Variants in PDE10A observed in about 807,000 individuals in gnomAD.
PDE10A encodes cAMP and cAMP-inhibited cGMP 3',5'-cyclic phosphodiesterase 10A.
A neutral mutation model predicts 97.7 loss-of-function variants in PDE10A; 39 were observed. The observed-to-expected ratio is 0.40, with a 90% CI of 0.31 to 0.52. The LOEUF is 0.52. PDE10A is among the 20% of genes least tolerant of loss of function. The pLI is 0.56. For synonymous variants in PDE10A, 371 were observed against 376.8 expected (o/e 0.98, Z 0.18); for missense variants, 731 against 1,047.8 (o/e 0.70, Z 4.17).
chr6:165,987,565 CTTCAT>C (rs915281848), exon 1 of PDE10A: 1 of 390,470 alleles, frequency 2.6e-6, no homozygotes, highest in Non-Finnish European at 5.1e-6. Flanking sequence ...CTGCTTTCCG[CTTCAT>C]TTCGAGTTCA....
At chr6:165,382,497 G>A (rs1464705642) in intron 17 of PDE10A, among the ~76,000 whole-genome samples, 1 of 152,074 alleles carries the variant, frequency 6.6e-6, no homozygotes, top group Non-Finnish European at 1.5e-5. Flanking sequence ...CACCGATTTT[G>A]GAGCCAAATA....
chr6:165,333,037 T>C lies in PDE10A; in HGVS notation c.3156A>G (p.Ala1052=). 1.2e-6 allele frequency: 2 copies of C among 1,602,562 alleles called. No individual in the cohort carries two copies. Among genetic ancestry groups the C allele is most frequent in the Non-Finnish European group, 8.5e-7 (1 of 1,170,164 alleles). Residue 1052 remains alanine (A), a synonymous_variant, in exon 22 of 22, where the codon GCA becomes GCG. Transcript: ENST00000539869. Reference sequence around the variant, plus strand: ...GGGTGACCAGTGCTCAATCTTCAGATGCAGCTGCCTTCTGAGCCACGGATG... The same window carrying C: ...GGGTGACCAGTGCTCAATCTTCAGACGCAGCTGCCTTCTGAGCCACGGATG... ...SSPSVAQKAA[A]SED
In PDE10A at chr6:165,543,444, T is replaced by C; in HGVS notation, c.990A>G (p.Ser330=). 1 of 1,611,658 alleles carries C rather than the reference T, an allele frequency of 6.2e-7. No homozygotes were observed. The highest frequency in any genetic ancestry group is 8.5e-7 in the Non-Finnish European group (1 of 1,179,268). The change falls in exon 2 of 22, where the codon TCA becomes TCG. Residue 330 remains serine, a synonymous_variant. Transcript: ENST00000539869. The part of the protein sequence containing the change: ...EKWLKRKNNK[S]EDESAPKEVS... ...GAGATCCACAAGAGACCTTACCTTCTGATTTGTTGTTCTTCCTCTTCAGCC... is the reference window on the plus strand; with the variant it reads ...GAGATCCACAAGAGACCTTACCTTCCGATTTGTTGTTCTTCCTCTTCAGCC...
At chr6:165,463,108 T>C (rs1042066345) in intron 3 of PDE10A, among the ~76,000 whole-genome samples, 13 of 152,274 alleles carry the variant, frequency 8.5e-5, no homozygotes, top group African/African-American at 2.2e-4. Flanking sequence ...TTAGCTTGAA[T>C]TGCACCTCTC....
intron 2 of PDE10A, among the ~76,000 whole-genome samples, chr6:165,530,440 G>A (rs116372880): frequency 0.014 from 2,162 of 151,430 alleles, 58 homozygotes; most frequent in South Asian, 0.098. Flanking sequence ...ACCAACAAGC[G>A]AAAAACAAAT....
intron 17 of PDE10A, among the ~76,000 whole-genome samples, chr6:165,382,301 ATTCTGTCCACTGCTGG>A (rs1784987497): frequency 6.6e-6 from 1 of 152,210 alleles, no homozygotes; most frequent in Non-Finnish European, 1.5e-5. Flanking sequence ...GGCTGTTAGT[ATTCTGTCCACTGCTGG>A]GGGATTAGGG....
At chr6:165,877,441 C>T (rs935007322) in intron 1 of PDE10A, among the ~76,000 whole-genome samples, 19 of 152,198 alleles carry the variant, frequency 1.2e-4, no homozygotes, top group African/African-American at 4.3e-4. Flanking sequence ...GGGAGAGTAG[C>T]CACAGGTCTA....
chr6:165,782,882 A>AT (rs1234300809), intron 1 of PDE10A, among the ~76,000 whole-genome samples: 2 of 152,126 alleles, frequency 1.3e-5, no homozygotes, highest in African/African-American at 2.4e-5. Flanking sequence ...ACCGTGTGTG[A>AT]TTTTTTAAAT....
At chr6:165,965,386 G>C (rs553830626) in intron 1 of PDE10A, among the ~76,000 whole-genome samples, 42 of 152,270 alleles carry the variant, frequency 2.8e-4, no homozygotes, top group Non-Finnish European at 5.3e-4. Flanking sequence ...TGATGAGTCT[G>C]GGGTATAAAT....
Position 165,722,883 on chromosome 6 carries a change from T to TATAC in PDE10A, c.-614-179316_-614-179315insGTAT, listed in dbSNP as rs1554311954. Among the ~76,000 whole-genome samples the TATAC allele has an allele frequency of 5.7e-3, 843 of 149,138 alleles. 7 individuals are homozygous for TATAC. Among genetic ancestry groups the TATAC allele is most frequent in the African/African-American group, 0.02 (788 of 40,198 alleles). On this transcript the variant is annotated intron_variant, in intron 1 of 19. Coordinates refer to the PDE10A transcript ENST00000366882. ...TAAAATTTGTTCATATATATATATA[T>TATAC]ACACACACACACACACACATATACA...
At chr6:165,827,953 A>C (rs530387932) in intron 1 of PDE10A, among the ~76,000 whole-genome samples, 1 of 152,120 alleles carries the variant, frequency 6.6e-6, no homozygotes, top group Non-Finnish European at 1.5e-5. Context: ...GTGGTCTCCA[A>C]TTCCATCCAG....
At chr6:165,697,104 G>T (rs564424532) in intron 1 of PDE10A, among the ~76,000 whole-genome samples, 1 of 152,104 alleles carries the variant, frequency 6.6e-6, no homozygotes, top group African/African-American at 2.4e-5. Flanking sequence ...GAGGAAAAAA[G>T]TATTCAAATA....
chr6:165,934,510 A>C (rs1783258042), intron 1 of PDE10A, among the ~76,000 whole-genome samples: 1 of 152,036 alleles, frequency 6.6e-6, no homozygotes, highest in Admixed American at 6.5e-5. Context: ...CTTTCTCTAT[A>C]ATCTTTATTT....
At chr6:165,475,343 C>T (rs1382067420) in intron 3 of PDE10A, among the ~76,000 whole-genome samples, 1 of 152,044 alleles carries the variant, frequency 6.6e-6, no homozygotes, top group African/African-American at 2.4e-5. Context: ...ACACTGGCTA[C>T]ACCAGGAAAA....
At chr6:165,733,424 C>T (rs1052639045) in intron 1 of PDE10A, among the ~76,000 whole-genome samples, 3 of 152,194 alleles carry the variant, frequency 2.0e-5, no homozygotes, top group African/African-American at 7.2e-5. Flanking sequence ...TGCTGCCACG[C>T]TTGAGCTGCC....
At chr6:165,735,264 T>C (rs1792543905) in intron 1 of PDE10A, among the ~76,000 whole-genome samples, 1 of 151,152 alleles carries the variant, frequency 6.6e-6, no homozygotes, top group Non-Finnish European at 1.5e-5. Context: ...GGAAGATAGG[T>C]AGATAGTAGG....
chr6:165,641,704 T>C (rs1393286307), intron 1 of PDE10A, among the ~76,000 whole-genome samples: 1 of 152,192 alleles, frequency 6.6e-6, no homozygotes, highest in African/African-American at 2.4e-5. Flanking sequence ...CCTCCCTCAC[T>C]GCACCCACCG....
intron 1 of PDE10A, among the ~76,000 whole-genome samples, chr6:165,697,993 C>G (rs1343257882): frequency 6.6e-6 from 1 of 152,162 alleles, no homozygotes; most frequent in Non-Finnish European, 1.5e-5. Flanking sequence ...CCTGCCAACC[C>G]CTAGAATGAG....
chr6:165,329,618 G>C lies in PDE10A; in HGVS notation c.*3407C>G, dbSNP rs1047060421. The C allele has an allele frequency of 3.9e-5, 6 of 152,004 alleles. No individual in the cohort carries two copies. Among genetic ancestry groups the C allele is most frequent in the Non-Finnish European group, 7.4e-5 (5 of 68,016 alleles). The allele number at this position is 152,004 out of a possible 1,614,324, so 9.4% of individuals were successfully genotyped here. The stretch of plus-strand genomic sequence containing the variant: ...TTATATCCTGTACAATACAGGATTT[G>C]TCTCGCATACACAAATATACCAATA... On this transcript the variant is annotated 3_prime_UTR_variant, in exon 22 of 22. Transcript: ENST00000539869.
Sources: gnomAD v4.1 joint callset for allele counts (sites outside exome capture counted in the v4.1 genomes callset) on GRCh38, gnomAD v4.1.1 for gene constraint, MANE v1.5 for transcripts, NCBI Gene and HGNC (gene_info 2026-07-23, HGNC 2026-07-21) for gene names.